The following LCORL variants were observed in gnomAD, a reference collection of about 807,000 sequenced individuals.
LCORL encodes ligand dependent nuclear receptor corepressor like, also known as ligand-dependent nuclear receptor corepressor-like protein.
LCORL carries 41 observed loss-of-function variants against 141.8 expected under a neutral mutation model. The ratio of observed to expected loss-of-function variants is 0.29; its 90% CI spans 0.23 to 0.38. LCORL has a LOEUF of 0.38. LCORL is among the 10% of genes least tolerant of loss of function. The pLI, the probability that LCORL is intolerant of heterozygous loss-of-function variation, is 1.00. For missense variants in LCORL, 1,759 were observed against 2,035.0 expected, an observed-to-expected ratio of 0.86 and a Z score of 2.61; for synonymous variants, 618 against 694.1, an observed-to-expected ratio of 0.89 and a Z score of 1.72.
chr4:17,862,386 C>T (rs943148592), intron 7 of LCORL, among the ~76,000 whole-genome samples: 1 of 152,154 alleles, frequency 6.6e-6, no homozygotes, highest in Non-Finnish European at 1.5e-5. Flanking sequence ...ATGTGAAAGA[C>T]CTGCTCCCAT....
At chr4:17,928,669 C>T (rs1276530346) in intron 4 of LCORL, among the ~76,000 whole-genome samples, 4 of 152,166 alleles carry the variant, frequency 2.6e-5, no homozygotes, top group Admixed American at 1.3e-4. Flanking sequence ...CCCCAGAATG[C>T]TTTGTCAGGA....
At chr4:18,007,672 G>A (rs1488174527) in intron 1 of LCORL, among the ~76,000 whole-genome samples, 3 of 152,054 alleles carry the variant, frequency 2.0e-5, no homozygotes, top group Admixed American at 2.0e-4. Context: ...TTAGCAGATG[G>A]CCATGCTTCT....
Position 17,976,221 on chromosome 4 carries a change from T to C in LCORL, c.155-3336A>G, listed in dbSNP as rs189563025. ...TTTTTATTCAGTCTGAAAATATCTG[T>C]TTTTTGAGGACAGTGTTTTAGACCA... On this transcript the variant is annotated intron_variant, in intron 1 of 7. Transcript: ENST00000635767. Among the ~76,000 whole-genome samples the C allele has an allele frequency of 4.6e-5, 7 of 152,308 alleles. No individual in the cohort carries two copies. The South Asian group carries it at 1.2e-3, about 27-fold the overall frequency.
chr4:17,904,103 A>T (rs1407885986), intron 5 of LCORL, among the ~76,000 whole-genome samples: 1 of 152,084 alleles, frequency 6.6e-6, no homozygotes, highest in East Asian at 1.9e-4. Flanking sequence ...GAGCCTAACT[A>T]TTAGAGTTGT....
At chr4:17,988,449 T>C (rs1719398359) in intron 1 of LCORL, among the ~76,000 whole-genome samples, 1 of 152,168 alleles carries the variant, frequency 6.6e-6, no homozygotes, top group Non-Finnish European at 1.5e-5. Context: ...TTTTATTTTA[T>C]TTTAGTAGAG....
At chr4:17,843,312 G>A in exon 8 of LCORL, 1 of 1,611,388 alleles carries the variant, frequency 6.2e-7, no homozygotes, top group Non-Finnish European at 8.5e-7. Context: ...TGATCATGAA[G>A]TTCCAGAACC....
chr4:17,895,292 C>T (rs2109268845), intron 5 of LCORL, among the ~76,000 whole-genome samples: 1 of 152,066 alleles, frequency 6.6e-6, no homozygotes, highest in South Asian at 2.1e-4. Context: ...GTTGATCAAC[C>T]TCTGTCCATT....
At chr4:17,859,943 G>C (rs1469622431) in intron 7 of LCORL, among the ~76,000 whole-genome samples, 3 of 152,132 alleles carry the variant, frequency 2.0e-5, no homozygotes, top group African/African-American at 4.8e-5. Context: ...TCTCTACAAG[G>C]AGAATTACAA....
intron 4 of LCORL, among the ~76,000 whole-genome samples, chr4:17,916,216 C>G (rs906123298): frequency 6.6e-6 from 1 of 152,160 alleles, no homozygotes. Context: ...GCTATACAAA[C>G]TCTTAGTTTT....
chr4:17,957,670 T>C (rs1220927254), intron 4 of LCORL, among the ~76,000 whole-genome samples: 1 of 152,028 alleles, frequency 6.6e-6, no homozygotes, highest in Non-Finnish European at 1.5e-5. Flanking sequence ...CCAGTTCTAA[T>C]TTTAAGTGTG....
chr4:18,021,847 C>G lies in LCORL; in HGVS notation c.-96G>C. 2.2e-6 allele frequency: 3 copies of G among 1,358,786 alleles called. No individual in the cohort carries two copies. Among genetic ancestry groups the G allele is most frequent in the Admixed American group, 3.4e-5 (1 of 29,080 alleles). The allele number at this position is 1,358,786 out of a possible 1,614,324, so 84.2% of individuals were successfully genotyped here. A position where few individuals can be genotyped will look rare whatever the true frequency, so the allele number is the denominator to read the frequency against. On this transcript the variant is annotated 5_prime_UTR_variant, in exon 1 of 8. Coordinates refer to ENST00000635767, the Ensembl canonical transcript of LCORL. The surrounding 1 kb of genome is among the most constrained non-coding windows in gnomAD (Gnocchi z 5.5). The stretch of plus-strand genomic sequence containing the variant: ...GGCGCGAGCCCCGGAGCGCGCGCCC[C>G]CCGGAGGGGGGTTGATTGACACGTG...
At chr4:17,869,100 C>G (rs1234879987) in intron 7 of LCORL, among the ~76,000 whole-genome samples, 1 of 145,400 alleles carries the variant, frequency 6.9e-6, no homozygotes, top group Non-Finnish European at 1.5e-5. Flanking sequence ...ACCAATCTCT[C>G]TAACCATGTC....
chr4:17,980,151 C>T (rs982837632), intron 1 of LCORL, among the ~76,000 whole-genome samples: 3 of 152,132 alleles, frequency 2.0e-5, no homozygotes, highest in African/African-American at 7.2e-5. Context: ...TTGTCACGTG[C>T]CACTAAACTT....
At chr4:18,013,153 A>C (rs892014029) in intron 1 of LCORL, among the ~76,000 whole-genome samples, 1 of 149,878 alleles carries the variant, frequency 6.7e-6, no homozygotes, top group Non-Finnish European at 1.5e-5. Context: ...CCTTATTGTA[A>C]TATTTTTCTC....
intron 4 of LCORL, among the ~76,000 whole-genome samples, chr4:17,922,443 C>G (rs1734447452): frequency 6.6e-6 from 1 of 152,042 alleles, no homozygotes; most frequent in South Asian, 2.1e-4. Flanking sequence ...TACATTTGAC[C>G]ATATGTAAAG....
chr4:17,928,145 G>C (rs1735457233), intron 4 of LCORL, among the ~76,000 whole-genome samples: 1 of 152,174 alleles, frequency 6.6e-6, no homozygotes, highest in African/African-American at 2.4e-5. Flanking sequence ...AGTAGCTCAA[G>C]CCTGTAATCC....
intron 6 of LCORL, chr4:17,883,747 G>C: frequency 3.2e-6 from 5 of 1,541,164 alleles, no homozygotes; most frequent in Middle Eastern, 1.7e-4. Context: ...TGTTTTTGCA[G>C]CTGCCAGTCC....
At chr4:17,942,823 G>A (rs1481266383) in intron 4 of LCORL, among the ~76,000 whole-genome samples, 1 of 152,134 alleles carries the variant, frequency 6.6e-6, no homozygotes, top group African/African-American at 2.4e-5. Flanking sequence ...TGGCCTGTAA[G>A]GAACTGGGCT....
At chr4:18,005,322 T>TGGCTCC in intron 1 of LCORL, among the ~76,000 whole-genome samples, 1 of 152,308 alleles carries the variant, frequency 6.6e-6, no homozygotes, top group South Asian at 2.1e-4. Context: ...TCTGCCCCTG[T>TGGCTCC]GGCTCCGCAG....
Sources: allele counts gnomAD v4.1 joint callset (sites outside exome capture counted in the v4.1 genomes callset), GRCh38; gene constraint gnomAD v4.1.1; non-coding constraint Gnocchi (gnomAD v3.1); transcripts MANE v1.5; gene names NCBI Gene and HGNC (gene_info 2026-07-23, HGNC 2026-07-21).